Variants in SNX25 observed in about 807,000 individuals in gnomAD.
SNX25 encodes the protein sorting nexin-25.
Under a neutral mutation model 113.7 loss-of-function variants are expected in SNX25, and 62 were observed. That is an observed-to-expected ratio of 0.55 (90% CI 0.44 to 0.67). The LOEUF is 0.67. Ranked by LOEUF, SNX25 falls within the 30% of genes least tolerant of loss-of-function variation. SNX25 has a pLI of 0.00. For synonymous variants in SNX25, 421 were observed against 436.2 expected (o/e 0.97, Z 0.43); for missense variants, 1,014 against 1,161.0 (o/e 0.87, Z 1.84).
At chr4:185,347,816 A>G (rs1341136726) in intron 13 of SNX25, among the ~76,000 whole-genome samples, 2 of 152,024 alleles carry the variant, frequency 1.3e-5, no homozygotes, top group Admixed American at 6.6e-5. Flanking sequence ...CATCCTTTCC[A>G]TAATGTTTTA....
At chr4:185,328,184 C>T (rs1210250423) in intron 9 of SNX25, among the ~76,000 whole-genome samples, 1 of 151,900 alleles carries the variant, frequency 6.6e-6, no homozygotes, top group Non-Finnish European at 1.5e-5. Context: ...TTTCTAATTT[C>T]CCAATTGGAT....
intron 1 of SNX25, among the ~76,000 whole-genome samples, chr4:185,245,515 T>A (rs2126479591): frequency 6.6e-6 from 1 of 152,206 alleles, no homozygotes; most frequent in East Asian, 1.9e-4. Flanking sequence ...TTTTTGTATT[T>A]TTAGTAGAGA....
In SNX25 at chr4:185,258,569, A is replaced by AT. The variant is rs1442479924; in HGVS notation, c.515-273dup. 3.3e-5 allele frequency among the ~76,000 whole-genome samples: 5 copies of AT among 152,304 alleles called. No homozygotes were observed. In the East Asian group the frequency reaches 7.7e-4, roughly 23 times the overall value. On this transcript the variant is annotated intron_variant, in intron 2 of 18. Transcript: ENST00000652585. ...TATTGCCACTACATAAGATGCTCTG[A>AT]TTTTTTAATAAATTTAGGTAGTTTG...
At chr4:185,317,345 A>G (rs2095082584) in intron 7 of SNX25, among the ~76,000 whole-genome samples, 1 of 152,204 alleles carries the variant, frequency 6.6e-6, no homozygotes, top group Non-Finnish European at 1.5e-5. Context: ...GGCTGTGGAG[A>G]AATAGTAATG....
intron 1 of SNX25, among the ~76,000 whole-genome samples, chr4:185,233,469 C>A (rs2126418320): frequency 1.3e-5 from 2 of 152,206 alleles, no homozygotes; most frequent in South Asian, 4.1e-4. Flanking sequence ...CTTATGAACT[C>A]AAAATTACAA....
chr4:185,347,289 C>T (rs562521106), intron 13 of SNX25, among the ~76,000 whole-genome samples: 1 of 152,286 alleles, frequency 6.6e-6, no homozygotes, highest in African/African-American at 2.4e-5. Context: ...TAGGATTTCT[C>T]CATTTTTCTT....
intron 6 of SNX25, among the ~76,000 whole-genome samples, chr4:185,294,546 T>C (rs1752596706): frequency 6.6e-6 from 1 of 152,206 alleles, no homozygotes; most frequent in Non-Finnish European, 1.5e-5. Flanking sequence ...TTGGCATTTC[T>C]AAGCTGGGAT....
intron 6 of SNX25, among the ~76,000 whole-genome samples, chr4:185,293,332 G>A (rs1456394713): frequency 6.6e-6 from 1 of 152,192 alleles, no homozygotes; most frequent in Non-Finnish European, 1.5e-5. Context: ...AAACTTGAAT[G>A]TTTATAGTAG....
chr4:185,223,687 A>AC (rs371466924), intron 1 of SNX25, among the ~76,000 whole-genome samples: 37 of 151,938 alleles, frequency 2.4e-4, no homozygotes, highest in African/African-American at 8.0e-4. Context: ...AGGCTGAGGC[A>AC]GGAGAATGGC....
chr4:185,219,433 C>T (rs1739440957), intron 1 of SNX25, among the ~76,000 whole-genome samples: 1 of 152,006 alleles, frequency 6.6e-6, no homozygotes, highest in African/African-American at 2.4e-5. Flanking sequence ...GTGGTGGGCG[C>T]CTGTAGTCCC....
At chr4:185,218,405 G>C (rs1038629115) in intron 1 of SNX25, among the ~76,000 whole-genome samples, 3 of 152,188 alleles carry the variant, frequency 2.0e-5, no homozygotes, top group African/African-American at 7.2e-5. Flanking sequence ...GTTTTTGTAA[G>C]TATGGTGGAG....
intron 1 of SNX25, chr4:185,204,548 G>A (rs1737102438): frequency 6.6e-6 from 1 of 152,210 alleles, no homozygotes. Context: ...GAACTCTCAG[G>A]TATGGTAGGA....
intron 10 of SNX25, among the ~76,000 whole-genome samples, chr4:185,338,246 A>G (rs1436872338): frequency 1.3e-5 from 2 of 150,012 alleles, no homozygotes; most frequent in Non-Finnish European, 3.0e-5. Context: ...GCTAAATCCA[A>G]TGTGATGAAA....
the SNX25 span, chr4:185,378,473 TG>T: frequency 4.2e-6 from 5 of 1,203,666 alleles, no homozygotes; most frequent in Non-Finnish European, 5.2e-6. Flanking sequence ...TGTCTGGCTA[TG>T]GGTTTATACA....
rs190699190 is a variant in SNX25, at chr4:185,233,775, G to A, written c.430-13519G>A. ...GTGTTTTGTAAAGATCTTCAGATTT[G>A]AATCTTAGAAATTAGAGATAAAGCT... On this transcript the variant is annotated intron_variant, in intron 1 of 18. Transcript: ENST00000652585. 1.8e-4 allele frequency among the ~76,000 whole-genome samples: 27 copies of A among 152,154 alleles called. 1 individual carries two copies. The East Asian group carries it at 4.4e-3, about 25-fold the overall frequency.
chr4:185,360,363 T>C (rs762810805), intron 16 of SNX25, among the ~76,000 whole-genome samples: 9 of 152,270 alleles, frequency 5.9e-5, no homozygotes, highest in Non-Finnish European at 8.8e-5. Flanking sequence ...CCGACTACTA[T>C]GTGCAAAGTA....
At chr4:185,367,140 G>A (rs2095390642), downstream of SNX25, 1 of 1,483,376 alleles carries the variant, frequency 6.7e-7, no homozygotes, top group Non-Finnish European at 9.4e-7. Context: ...CACATTGTGA[G>A]GTGTTAGCAT....
At position 185,212,306 on chromosome 4, in the gene SNX25, T is replaced by TAAA. The variant is rs1457419097; in HGVS notation, c.429+2051_429+2052insAAA. ...CCCTGCCTCTTAAAAAAAAAAAAAT[T>TAAA]TTTTTTTAAATTTTTTAAGTGCATT... On this transcript the variant is annotated intron_variant, in intron 1 of 18. Transcript: ENST00000652585. 2.2e-3 allele frequency among the ~76,000 whole-genome samples: 275 copies of TAAA among 122,578 alleles called. 1 individual carries two copies. The highest frequency in any genetic ancestry group is 0.013 in the East Asian group (52 of 4,058). 80.4% of individuals were successfully genotyped at this position (122,578 alleles called of 152,430 possible).
chr4:185,315,457 C>A, intron 7 of SNX25, among the ~76,000 whole-genome samples: 1 of 151,832 alleles, frequency 6.6e-6, no homozygotes, highest in Non-Finnish European at 1.5e-5. Flanking sequence ...CCACGCCCAG[C>A]TAATGTTTGT....
Sources: allele counts gnomAD v4.1 joint callset (sites outside exome capture counted in the v4.1 genomes callset), GRCh38; gene constraint gnomAD v4.1.1; transcripts MANE v1.5; gene names NCBI Gene and HGNC (gene_info 2026-07-23, HGNC 2026-07-21).